GSN: variants seen among roughly 807,000 people sequenced by gnomAD.
The protein encoded by GSN is gelsolin, also known as actin-depolymerizing factor.
A neutral mutation model predicts 85.7 loss-of-function variants in GSN; 56 were observed. The observed-to-expected ratio is 0.65, with a 90% CI of 0.53 to 0.82. The LOEUF is 0.82. Ranked by LOEUF, GSN falls within the 40% of genes least tolerant of loss-of-function variation. GSN has a pLI of 0.00. For synonymous variants in GSN, 373 were observed against 399.1 expected (o/e 0.93, Z 0.78); for missense variants, 857 against 979.8 (o/e 0.87, Z 1.67).
chr9:121,286,214 C>T, intron 2 of GSN: 1 of 1,435,706 alleles, frequency 7.0e-7, no homozygotes. Context: ...GGGGTGGTCC[C>T]CGAAGCCAGC....
chr9:121,327,049 C>T, intron 13 of GSN: 1 of 673,040 alleles, frequency 1.5e-6, no homozygotes, highest in Non-Finnish European at 2.7e-6. Flanking sequence ...GGACTCTCAC[C>T]TCCTTTGTTC....
chr9:121,275,989 G>A (rs967326493), intron 1 of GSN, among the ~76,000 whole-genome samples: 1 of 152,096 alleles, frequency 6.6e-6, no homozygotes, highest in East Asian at 1.9e-4. Flanking sequence ...ATTTAACTGG[G>A]CATCTCATGT....
intron 5 of GSN, chr9:121,239,200 G>A: frequency 3.0e-6 from 1 of 328,590 alleles, no homozygotes. Flanking sequence ...TTCTCTGGCT[G>A]TAGAAACCTC....
chr9:121,287,731 C>T (rs1476705560), intron 2 of GSN, among the ~76,000 whole-genome samples: 1 of 150,704 alleles, frequency 6.6e-6, no homozygotes, highest in African/African-American at 2.4e-5. Context: ...ATATAATTTA[C>T]ATGATTTATT....
At chr9:121,315,785 T>TA (rs946244978) in intron 7 of GSN, among the ~76,000 whole-genome samples, 1 of 151,860 alleles carries the variant, frequency 6.6e-6, no homozygotes, top group African/African-American at 2.4e-5. Flanking sequence ...ATAAATAAAA[T>TA]AAAAAAAGAA....
chr9:121,312,135 G>T, intron 5 of GSN: 1 of 568,572 alleles, frequency 1.8e-6, no homozygotes, highest in Non-Finnish European at 3.1e-6. Flanking sequence ...CCTGTCCTCA[G>T]ACATGCGCTC....
chr9:121,286,496 C>G (rs191177832), intron 2 of GSN: 1 of 1,073,894 alleles, frequency 9.3e-7, no homozygotes, highest in East Asian at 2.6e-5. Flanking sequence ...TCTGTTGTTC[C>G]CACCTTCCCA....
intron 6 of GSN, among the ~76,000 whole-genome samples, chr9:121,256,459 T>C (rs1388632235): frequency 6.6e-6 from 1 of 152,154 alleles, no homozygotes; most frequent in Non-Finnish European, 1.5e-5. Flanking sequence ...TTCCCACTCA[T>C]CTGTGAGAGT....
At chr9:121,301,807 C>T (rs2059892761) in intron 2 of GSN, 156 bp from the exon 3 acceptor site, 2 of 1,156,084 alleles carry the variant, frequency 1.7e-6, no homozygotes, top group Admixed American at 2.0e-5. Flanking sequence ...CTCGTTGAGA[C>T]AGGGTGCCCA....
chr9:121,248,591 G>A (rs2054750250), intron 6 of GSN, among the ~76,000 whole-genome samples: 1 of 152,200 alleles, frequency 6.6e-6, no homozygotes. Flanking sequence ...AAAGAACACA[G>A]CAGGGGAACA....
At chr9:121,298,618 AT>A (rs1367649569) in intron 2 of GSN, among the ~76,000 whole-genome samples, 1 of 152,190 alleles carries the variant, frequency 6.6e-6, no homozygotes, top group Non-Finnish European at 1.5e-5. Context: ...TACTGTACTC[AT>A]TTAGTAGATG....
At position 121,331,432 on chromosome 9, in the gene GSN, A is replaced by G. The variant is rs1417586612; in HGVS notation, c.2010A>G (p.Thr670=). The G allele has an allele frequency of 3.8e-6, 6 of 1,583,636 alleles. No individual in the cohort carries two copies. The highest frequency in any genetic ancestry group is 5.2e-6 in the Non-Finnish European group (6 of 1,161,064). ...AGGATTCTCAAGAAGAAGAAAAGACAGAAGCCTTGACTTCTGGTGAGGACC... is the reference window on the plus strand; with the variant it reads ...AGGATTCTCAAGAAGAAGAAAAGACGGAAGCCTTGACTTCTGGTGAGGACC... ...VGKDSQEEEK[T]EALTSAKRYI... is the part of the protein sequence containing the mutation. Residue 670 remains threonine (T), a synonymous_variant, in exon 17 of 18, where the codon ACA becomes ACG. Coordinates refer to ENST00000432226, the MANE Select transcript of GSN (RefSeq NM_198252.3).
rs71680051 is a variant in GSN at position 121,332,725 on chromosome 9, CTTT to C, written c.*134_*136del. The C allele has an allele frequency of 1.8e-3, 1,107 of 600,572 alleles. No individual in the cohort carries two copies. Among genetic ancestry groups the C allele is most frequent in the Admixed American group, 9.7e-3 (297 of 30,622 alleles). The allele number at this position is 600,572 out of a possible 1,614,324, so 37.2% of individuals were successfully genotyped here. A position where few individuals can be genotyped will look rare whatever the true frequency, so the allele number is the denominator to read the frequency against. ...GTGTGTGTGTGTGTGTGTGTTGTTT[CTTT>C]TTTTTTTTTTTACAGTATCCAAAAA... On this transcript the variant is annotated 3_prime_UTR_variant, in exon 18 of 18. Transcript: ENST00000432226. This position sits in a 1 kb window ranked among gnomAD's most constrained non-coding sequence, Gnocchi z 4.8.
chr9:121,243,076 T>C (rs996361710), intron 5 of GSN, among the ~76,000 whole-genome samples: 5 of 151,814 alleles, frequency 3.3e-5, no homozygotes, highest in African/African-American at 1.2e-4. Context: ...AGTTCTGGAG[T>C]TCAGCAGTCT....
chr9:121,218,951 T>C (rs2054117885), intron 4 of GSN, among the ~76,000 whole-genome samples: 2 of 152,202 alleles, frequency 1.3e-5, no homozygotes, highest in African/African-American at 4.8e-5. Context: ...AGGACAATAA[T>C]ATTCATCTCC....
chr9:121,301,982 A>G lies in GSN; in HGVS notation c.11A>G (p.Glu4Gly). 6.2e-7 allele frequency: 1 copy of G among 1,614,218 alleles called. No individual in the cohort carries two copies. The highest frequency in any genetic ancestry group is 8.5e-7 in the Non-Finnish European group (1 of 1,180,028). Residue 4 changes from glutamate (E) to glycine (G), a missense_variant, in exon 3 of 18, where the codon GAA (glutamate) becomes GGA (glycine). Transcript: ENST00000432226. MVV[E>G]HPEFLKAGKE... The stretch of plus-strand genomic sequence containing the variant: ...TCCCAGCCCAACAGCATGGTGGTGG[A>G]ACACCCCGAGTTCCTCAAGGCAGGG...
rs1048849212 is a variant in GSN, at chr9:121,299,937, C to T, written c.-9-2026C>T. On this transcript the variant is annotated intron_variant, in intron 2 of 17. Transcript: ENST00000432226. This position sits in a 1 kb window ranked among gnomAD's most constrained non-coding sequence, Gnocchi z 4.2. ...GCTGTGCGCGCTGTCGCTGCCCGTC[C>T]GCGCGGCCACTGCGTCGCGGGGGGC... The T allele has an allele frequency of 3.6e-5, 45 of 1,261,362 alleles. No homozygotes were observed. The highest frequency in any genetic ancestry group is 4.8e-4 in the Middle Eastern group (2 of 4,172). The allele number at this position is 1,261,362 out of a possible 1,614,324, so 78.1% of individuals were successfully genotyped here. A position where few individuals can be genotyped will look rare whatever the true frequency, so the allele number is the denominator to read the frequency against.
At chr9:121,286,866 A>G in intron 2 of GSN, 1 of 915,204 alleles carries the variant, frequency 1.1e-6, no homozygotes, top group South Asian at 1.4e-5. Flanking sequence ...AACCTCTCTG[A>G]GCTTTTGTTC....
At chr9:121,331,497 G>C (rs369654571) in intron 17 of GSN, 49 bp downstream of exon 17, 102 of 1,149,540 alleles carry the variant, frequency 8.9e-5, no homozygotes, top group Admixed American at 2.5e-4. Context: ...GTTGCTTGTG[G>C]GGTGCTGGGA....
Sources: allele counts gnomAD v4.1 joint callset (sites outside exome capture counted in the v4.1 genomes callset), GRCh38; gene constraint gnomAD v4.1.1; non-coding constraint Gnocchi (gnomAD v3.1); transcripts MANE v1.5; gene names NCBI Gene and HGNC (gene_info 2026-07-23, HGNC 2026-07-21).